Variants in EPS8L2 observed in about 807,000 individuals in gnomAD.
EPS8L2 encodes the protein EPS8 signaling adaptor L2.
EPS8L2 carries 81 observed loss-of-function variants against 99.4 expected under a neutral mutation model. That is an observed-to-expected ratio of 0.82 (90% CI 0.68 to 0.98). The LOEUF (loss-of-function observed/expected upper bound fraction) is 0.98, where lower values mean the gene tolerates loss of function less well. Among genes scored for constraint, EPS8L2 ranks in the 50% least tolerant of loss-of-function variants. EPS8L2 has a pLI of 0.00. For synonymous variants in EPS8L2, 509 were observed against 407.3 expected (o/e 1.25, Z -3.01); for missense variants, 1,155 against 968.8 (o/e 1.19, Z -2.55).
chr11:726,911 G>A lies in EPS8L2; in HGVS notation c.2078G>A (p.Ser693Asn). 1 of 1,613,138 alleles carries A rather than the reference G, an allele frequency of 6.2e-7. No individual in the cohort carries two copies. Among genetic ancestry groups the A allele is most frequent in the Non-Finnish European group, 8.5e-7 (1 of 1,179,834 alleles). Residue 693 changes from serine to asparagine, a missense_variant, in exon 21 of 21, where the codon AGT becomes AAT. Coordinates refer to ENST00000318562, the MANE Select transcript of EPS8L2 (RefSeq NM_022772.4). Reference protein sequence around the residue: ...MQKAFLEKQQSGSELEELMNK... With the variant: ...MQKAFLEKQQNGSELEELMNK... ...ATTTCTCCTCCCTAGAAGCAGCAAA[G>A]TGGGTCGGAGCTGGAAGAACTCATG...
Position 721,618 on chromosome 11 carries a change from G to T in EPS8L2, c.822G>T (p.Gln274His). 1 of 1,573,022 alleles carries T rather than the reference G, an allele frequency of 6.4e-7. No homozygotes were observed. The highest frequency in any genetic ancestry group is 8.6e-7 in the Non-Finnish European group (1 of 1,165,206). ...TCGAGTGGTTTGTGGCCCGGCTGCA[G>T]AAGGCAGCCGAGGCTTTCAAGCAGC... ...DDIEWFVARL[Q>H]KAAEAFKQLN... Residue 274 changes from glutamine to histidine, a missense_variant, in exon 10 of 21, where the codon CAG (glutamine) becomes CAT (histidine). Transcript: ENST00000318562.
chr11:717,168 G>T (rs963510656), intron 4 of EPS8L2, among the ~76,000 whole-genome samples: 1 of 151,984 alleles, frequency 6.6e-6, no homozygotes, highest in Non-Finnish European at 1.5e-5. Context: ...GTAGAGACGG[G>T]GTATCACCGT....
chr11:711,776 G>C (rs974811764), intron 4 of EPS8L2, among the ~76,000 whole-genome samples: 3 of 152,056 alleles, frequency 2.0e-5, no homozygotes, highest in Non-Finnish European at 4.4e-5. Flanking sequence ...CTGAGGTTAG[G>C]AGTTTGAGAC....
intron 3 of EPS8L2, 77 bp from the exon 4 acceptor site, chr11:710,345 T>C: frequency 7.0e-7 from 1 of 1,419,882 alleles, no homozygotes; most frequent in Non-Finnish European, 1.0e-6. Flanking sequence ...CCACCTTCCC[T>C]TGTGGGTCCA....
In EPS8L2 at chr11:727,025, C is replaced by A; in HGVS notation, c.*44C>A. On this transcript the variant is annotated 3_prime_UTR_variant, in exon 21 of 21. Coordinates refer to ENST00000318562, the MANE Select transcript of EPS8L2 (RefSeq NM_022772.4). Reference sequence around the variant, plus strand: ...GGGGCCTGCGGAGGGGAAGCCCACCCACAATGCATGGAGTATTATTTTTAT... The same window carrying A: ...GGGGCCTGCGGAGGGGAAGCCCACCAACAATGCATGGAGTATTATTTTTAT... 1 of 1,278,776 alleles carries A rather than the reference C, an allele frequency of 7.8e-7. No homozygotes were observed. The allele number at this position is 1,278,776 out of a possible 1,614,324, so 79.2% of individuals were successfully genotyped here. A position where few individuals can be genotyped will look rare whatever the true frequency, so the allele number is the denominator to read the frequency against.
intron 4 of EPS8L2, 114 bp from the exon 5 acceptor site, chr11:719,947 GC>G: frequency 9.7e-7 from 1 of 1,026,412 alleles, no homozygotes; most frequent in Admixed American, 2.8e-5. Flanking sequence ...CCCCGTTCTA[GC>G]CCCCTACCCA....
intron 4 of EPS8L2, among the ~76,000 whole-genome samples, chr11:717,288 A>C (rs1360636912): frequency 3.3e-5 from 5 of 152,112 alleles, no homozygotes; most frequent in African/African-American, 7.2e-5. Context: ...TGCCCACTGT[A>C]ACCTGTTGGA....
intron 4 of EPS8L2, among the ~76,000 whole-genome samples, chr11:711,016 G>A (rs774556867): frequency 2.0e-5 from 3 of 152,160 alleles, no homozygotes; most frequent in Non-Finnish European, 4.4e-5. Flanking sequence ...GCCCCTGGAG[G>A]AGATGATCAT....
At position 723,304 on chromosome 11, in the gene EPS8L2, ACC is replaced by A; in HGVS notation, c.1411_1412del (p.Pro471GlyfsTer31). The A allele has an allele frequency of 1.3e-6, 2 of 1,592,872 alleles. No individual in the cohort carries two copies. On this transcript the variant is annotated frameshift_variant, in exon 15 of 21. Coordinates refer to ENST00000318562, the MANE Select transcript of EPS8L2 (RefSeq NM_022772.4). LOFTEE classifies it high-confidence loss of function. ...GAAGCACAGCCCCACTTCAGAGCCCACCCCCCCGGGGGATGCCCTACCACCAG... is the reference window on the plus strand; with the variant it reads ...GAAGCACAGCCCCACTTCAGAGCCCACCCCCGGGGGATGCCCTACCACCAG... ...SQKHSPTSEP[T>X]PPGDALPPVS...
Position 721,184 on chromosome 11 carries a change from G to C in EPS8L2, c.678G>C (p.Pro226=). Residue 226 remains proline, a synonymous_variant, in exon 8 of 21, where the codon CCG becomes CCC. Transcript: ENST00000318562. ...DSPEAKNRVG[P]QVPLSEPGFR... is the part of the protein sequence containing the mutation. ...CGGAGGCCAAGAATCGCGTGGGCCC[G>C]CAGGTGCCACTCAGCGAGCCAGGTG... is the stretch of plus-strand genomic sequence containing the variant. 1 of 1,533,726 alleles carries C rather than the reference G, an allele frequency of 6.5e-7. No homozygotes were observed.
chr11:723,937 C>T (rs191729983), intron 15 of EPS8L2, among the ~76,000 whole-genome samples: 6 of 152,306 alleles, frequency 3.9e-5, no homozygotes, highest in Non-Finnish European at 7.4e-5. Context: ...AAAGAGGGGC[C>T]AGCAATCCAT....
At chr11:710,543 T>G in intron 4 of EPS8L2, 57 bp downstream of exon 4, 1 of 1,460,384 alleles carries the variant, frequency 6.8e-7, no homozygotes, top group Non-Finnish European at 9.6e-7. Flanking sequence ...AGGACATGGC[T>G]GTCCTCAGGT....
At chr11:720,383 G>A (rs959689036) in intron 5 of EPS8L2, among the ~76,000 whole-genome samples, 160 bp downstream of exon 5, 7 of 152,154 alleles carry the variant, frequency 4.6e-5, no homozygotes, top group Admixed American at 2.0e-4. Flanking sequence ...GCAGAGGGCC[G>A]CATAGAGCTG....
Position 724,781 on chromosome 11 carries a change from A to C in EPS8L2, c.1512A>C (p.Thr504=). The part of the protein sequence containing the change: ...AKYVKILYDF[T]ARNANELSVL... ...ACGTCAAGATCCTGTATGACTTCAC[A>C]GCCCGAAATGCCAACGAGCTATCGG... The change falls in exon 16 of 21, where the codon ACA becomes ACC. Residue 504 remains threonine (T), a synonymous_variant. Transcript: ENST00000318562. The surrounding 1 kb of genome is among the most constrained non-coding windows in gnomAD (Gnocchi z 5.5). 1 of 1,613,660 alleles carries C rather than the reference A, an allele frequency of 6.2e-7. No individual in the cohort carries two copies. Among genetic ancestry groups the C allele is most frequent in the Non-Finnish European group, 8.5e-7 (1 of 1,179,956 alleles).
At chr11:716,547 G>A (rs920206333) in intron 4 of EPS8L2, among the ~76,000 whole-genome samples, 9 of 152,160 alleles carry the variant, frequency 5.9e-5, no homozygotes, top group African/African-American at 1.2e-4. Flanking sequence ...GTGAGCCACC[G>A]TGCCTGGCCA....
chr11:710,222 T>C, intron 3 of EPS8L2, 200 bp from the exon 4 acceptor site: 1 of 582,630 alleles, frequency 1.7e-6, no homozygotes, highest in Non-Finnish European at 3.1e-6. Flanking sequence ...TGCGTCCTTC[T>C]CCAAGGGGGC....
intron 4 of EPS8L2, among the ~76,000 whole-genome samples, chr11:711,326 C>G (rs11606893): frequency 1.3e-5 from 2 of 151,506 alleles, no homozygotes; most frequent in Admixed American, 1.3e-4. Context: ...CTCTCTCTGT[C>G]TCTCTCTTTT....
intron 12 of EPS8L2, 107 bp downstream of exon 12, chr11:722,272 C>A (rs1280123125): frequency 2.6e-6 from 4 of 1,532,512 alleles, no homozygotes; most frequent in Non-Finnish European, 3.6e-6. Context: ...TTGGGCAGCC[C>A]GGTTCACGCT....
intron 1 of EPS8L2, 175 bp from the exon 2 acceptor site, chr11:709,155 T>TCAACTGGAACGTGGGGC (rs1792782834): frequency 5.1e-6 from 3 of 586,600 alleles, no homozygotes; most frequent in African/African-American, 2.0e-5. Flanking sequence ...TGATCGACTG[T>TCAACTGGAACGTGGGGC]CAACTGGGAC....
Sources: allele counts gnomAD v4.1 joint callset (sites outside exome capture counted in the v4.1 genomes callset), GRCh38; gene constraint gnomAD v4.1.1; non-coding constraint Gnocchi (gnomAD v3.1); transcripts MANE v1.5; gene names NCBI Gene and HGNC (gene_info 2026-07-23, HGNC 2026-07-21).